Variants in ZSWIM4 observed in about 807,000 individuals in gnomAD.
ZSWIM4 encodes the protein zinc finger SWIM-type containing 4.
In ZSWIM4, 62 loss-of-function variants were observed where a neutral mutation model predicts 102.5. The observed-to-expected ratio is 0.60, with a 90% CI of 0.49 to 0.75. The LOEUF is 0.75. Ranked by LOEUF, ZSWIM4 falls within the 30% of genes least tolerant of loss-of-function variation. The pLI, the probability that ZSWIM4 is intolerant of heterozygous loss-of-function variation, is 0.00. For synonymous variants in ZSWIM4, 652 were observed against 674.5 expected (o/e 0.97, Z 0.52); for missense variants, 1,280 against 1,529.6 (o/e 0.84, Z 2.72).
At position 13,804,910 on chromosome 19, in the gene ZSWIM4, C is replaced by A; in HGVS notation, c.474C>A (p.Asp158Glu). Residue 158 changes from aspartate (D) to glutamate (E), a missense_variant, in exon 3 of 14, where the codon GAC becomes GAA. Transcript: ENST00000590508. ...TCACGTCCGTGAGCTGCGGCTGTGA[C>A]AACCGCGACCTCTTCTACTGTGCCC... is the stretch of plus-strand genomic sequence containing the variant. Reference protein sequence around the residue: ...CKITSVSCGCDNRDLFYCAHV... With the variant: ...CKITSVSCGCENRDLFYCAHV... 1 of 1,613,602 alleles carries A rather than the reference C, an allele frequency of 6.2e-7. No homozygotes were observed. Among genetic ancestry groups the A allele is most frequent in the Non-Finnish European group, 8.5e-7 (1 of 1,180,022 alleles).
intron 12 of ZSWIM4, among the ~76,000 whole-genome samples, chr19:13,826,738 C>T (rs1205029892): frequency 6.6e-6 from 1 of 152,026 alleles, no homozygotes; most frequent in East Asian, 1.9e-4. Context: ...GCATTCCAGC[C>T]TGAAGGACGG....
chr19:13,803,382 C>T (rs1008867863), intron 2 of ZSWIM4, among the ~76,000 whole-genome samples: 4 of 152,190 alleles, frequency 2.6e-5, no homozygotes, highest in African/African-American at 9.6e-5. Context: ...GGCATTTTCT[C>T]AGGAAATTGA....
intron 5 of ZSWIM4, among the ~76,000 whole-genome samples, chr19:13,811,340 G>A (rs78091435): frequency 0.018 from 2,806 of 152,206 alleles, 87 homozygotes; most frequent in African/African-American, 0.064. Flanking sequence ...TATACCAAAC[G>A]GGCATGGTAG....
At chr19:13,813,245 C>T (rs1217412619) in intron 6 of ZSWIM4, 81 bp downstream of exon 6, 5 of 1,217,232 alleles carry the variant, frequency 4.1e-6, no homozygotes, top group Non-Finnish European at 5.7e-6. Context: ...TGGTCCTCTT[C>T]CCAGGAGAGA....
Position 13,817,714 on chromosome 19 carries a change from T to C in ZSWIM4, c.1670-8T>C, listed in dbSNP as rs758747747. On this transcript the variant is annotated splice_polypyrimidine_tract_variant and splice_region_variant and intron_variant, in intron 8 of 13. Transcript: ENST00000590508. ...CGTCTCCAGCAGCCCTGGCCCTGTC[T>C]CCCCCAGACTCAGGCCCCGAGAAGC... is the stretch of plus-strand genomic sequence containing the variant. The C allele has an allele frequency of 8.7e-6, 14 of 1,607,236 alleles. No individual in the cohort carries two copies. Among genetic ancestry groups the C allele is most frequent in the Non-Finnish European group, 7.6e-6 (9 of 1,177,818 alleles).
intron 6 of ZSWIM4, among the ~76,000 whole-genome samples, chr19:13,813,917 T>C (rs1599598918): frequency 1.0e-5 from 1 of 100,310 alleles, no homozygotes; most frequent in African/African-American, 8.3e-5. Context: ...TGAGACCCTG[T>C]CTCAAAAAAA....
intron 2 of ZSWIM4, 78 bp downstream of exon 2, chr19:13,799,999 G>C (rs1974715505): frequency 2.3e-5 from 33 of 1,459,948 alleles, no homozygotes; most frequent in Non-Finnish European, 3.0e-5. Context: ...GTTGGAGGGA[G>C]GCCTGGGGCC....
chr19:13,819,403 G>T lies in ZSWIM4; in HGVS notation c.1971G>T (p.Val657=), dbSNP rs1217988821. The change falls in exon 10 of 14, where the codon GTG becomes GTT. Residue 657 remains valine (V), a synonymous_variant. Coordinates refer to ENST00000590508, the MANE Select transcript of ZSWIM4 (RefSeq NM_001367834.3). The stretch of plus-strand genomic sequence containing the variant: ...GGGAGGTGCTGTTCCGGGAGAGCGT[G>T]CCCATGCACACCTGTGCCCGCTACC... The part of the protein sequence containing the change: ...GFGEVLFRES[V]PMHTCARYLF... 1 of 1,613,082 alleles carries T rather than the reference G, an allele frequency of 6.2e-7. No individual in the cohort carries two copies. Among genetic ancestry groups the T allele is most frequent in the East Asian group, 2.2e-5 (1 of 44,850 alleles).
chr19:13,828,137 A>G (rs1417841080), intron 12 of ZSWIM4, among the ~76,000 whole-genome samples: 6 of 152,200 alleles, frequency 3.9e-5, no homozygotes, highest in African/African-American at 1.4e-4. Flanking sequence ...GGCTGGGTGC[A>G]GTGGCTCACG....
chr19:13,814,209 A>C (rs1975197497), intron 6 of ZSWIM4, among the ~76,000 whole-genome samples: 1 of 151,778 alleles, frequency 6.6e-6, no homozygotes, highest in Non-Finnish European at 1.5e-5. Context: ...GGTGTGCACC[A>C]CCACGCCAGG....
intron 7 of ZSWIM4, chr19:13,815,106 G>A (rs1315695082): frequency 1.6e-5 from 3 of 185,572 alleles, no homozygotes; most frequent in African/African-American, 7.1e-5. Flanking sequence ...AGGCTGCAGT[G>A]AGCTATAATT....
At chr19:13,814,416 GGC>G in intron 6 of ZSWIM4, 97 bp from the exon 7 acceptor site, 1 of 582,234 alleles carries the variant, frequency 1.7e-6, no homozygotes, top group Middle Eastern at 6.7e-4. Flanking sequence ...GCTTTGCCCA[GGC>G]CTAAACCCCA....
intron 3 of ZSWIM4, among the ~76,000 whole-genome samples, chr19:13,807,197 G>T (rs1218778503): frequency 6.6e-6 from 1 of 152,080 alleles, no homozygotes; most frequent in Non-Finnish European, 1.5e-5. Flanking sequence ...TGAGTGGGCA[G>T]ATAGATCAAT....
intron 12 of ZSWIM4, among the ~76,000 whole-genome samples, chr19:13,827,598 AAAAAAAAAAGAAAAG>A (rs1975644018): frequency 6.6e-6 from 1 of 150,956 alleles, no homozygotes; most frequent in Admixed American, 6.6e-5. Flanking sequence ...CAAAAAAAAA[AAAAAAAAAAGAAAAG>A]AAAAAAAAAG....
Position 13,830,231 on chromosome 19 carries a change from C to T in ZSWIM4, c.2502C>T (p.Ser834=), listed in dbSNP as rs898216800. The T allele has an allele frequency of 6.2e-7, 1 of 1,613,892 alleles. No individual in the cohort carries two copies. The highest frequency in any genetic ancestry group is 8.5e-7 in the Non-Finnish European group (1 of 1,180,026). ...TGAATATCATGCAGAACTGGTATTC[C>T]TTATTCACACCAGTGGAGGCGGCTA... The part of the protein sequence containing the change: ...ALMNIMQNWY[S]LFTPVEAATI... The change falls in exon 14 of 14, where the codon TCC becomes TCT. Residue 834 remains serine, a synonymous_variant. Transcript: ENST00000590508.
At chr19:13,797,237 C>G (rs923651278) in intron 1 of ZSWIM4, among the ~76,000 whole-genome samples, 3 of 152,230 alleles carry the variant, frequency 2.0e-5, no homozygotes, top group Non-Finnish European at 4.4e-5. Flanking sequence ...GAGAAACTTG[C>G]CCAAGGTCAC....
intron 3 of ZSWIM4, 132 bp from the exon 4 acceptor site, chr19:13,808,704 A>ACT: frequency 1.0e-6 from 1 of 957,574 alleles, no homozygotes; most frequent in Non-Finnish European, 1.5e-6. Flanking sequence ...GTGCTACAGC[A>ACT]CTCCAGCCTG....
Position 13,804,870 on chromosome 19 carries a change from T to G in ZSWIM4, c.434T>G (p.Phe145Cys). The G allele has an allele frequency of 6.2e-7, 1 of 1,613,590 alleles. No individual in the cohort carries two copies. The highest frequency in any genetic ancestry group is 8.5e-7 in the Non-Finnish European group (1 of 1,180,004). The change falls in exon 3 of 14, where the codon TTT becomes TGT. Residue 145 changes from phenylalanine to cysteine, a missense_variant. Transcript: ENST00000590508. ...CGCCTCTACCATGTCTCCATCAGCTTTGATCGCTGCAAGATCACGTCCGTG... is the reference window on the plus strand; with the variant it reads ...CGCCTCTACCATGTCTCCATCAGCTGTGATCGCTGCAAGATCACGTCCGTG... ...PERLYHVSIS[F>C]DRCKITSVSC...
chr19:13,819,845 TTG>T (rs1348862064), intron 10 of ZSWIM4, among the ~76,000 whole-genome samples: 2 of 149,726 alleles, frequency 1.3e-5, no homozygotes, highest in African/African-American at 4.9e-5. Flanking sequence ...TTTTTGTTTT[TTG>T]TTTTTTTTTT....
Sources: gnomAD v4.1 joint callset for allele counts (sites outside exome capture counted in the v4.1 genomes callset) on GRCh38, gnomAD v4.1.1 for gene constraint, MANE v1.5 for transcripts, NCBI Gene and HGNC (gene_info 2026-07-23, HGNC 2026-07-21) for gene names.